Variants in RNF113B observed in about 807,000 individuals in gnomAD.
RNF113B encodes the protein zinc finger protein 183-like 1.
Under a neutral mutation model 22.2 loss-of-function variants are expected in RNF113B, and 12 were observed. The ratio of observed to expected loss-of-function variants is 0.54; its 90% CI spans 0.35 to 0.87. The LOEUF (loss-of-function observed/expected upper bound fraction) is 0.87, where lower values mean the gene tolerates loss of function less well. Among genes scored for constraint, RNF113B ranks in the 40% least tolerant of loss-of-function variants. The pLI is 0.01. For synonymous variants in RNF113B, 194 were observed against 184.6 expected (o/e 1.05, Z -0.41); for missense variants, 442 against 455.4 (o/e 0.97, Z 0.27).
rs775900760 is a variant in RNF113B, at chr13:98,177,149, C to T, written c.88G>A (p.Ala30Thr). 2.5e-6 allele frequency: 4 copies of T among 1,607,114 alleles called. No homozygotes were observed. In the South Asian group the frequency reaches 3.3e-5, roughly 13 times the overall value. ...GCCGGGCGCTTTCTGAGGCCTGCAG[C>T]CCCTTTCCGTCCAGGCTTTTTGAAG... ...FLFKKPGRKG[A>T]AGLRKRPACD... The change falls in exon 1 of 2, where the codon GCT (alanine) becomes ACT (threonine). Residue 30 changes from alanine to threonine, a missense_variant. Ala to Thr is a moderately conservative substitution (Grantham distance 58). Coordinates refer to ENST00000267291, the MANE Select transcript of RNF113B (RefSeq NM_178861.5).
chr13:98,176,967 G>A lies in RNF113B; in HGVS notation c.270C>T (p.Leu90=). 6.2e-7 allele frequency: 1 copy of A among 1,600,844 alleles called. No homozygotes were observed. ...RRGEEAAPES[L]DVVYRSTRSA... ...AGCGGGTGGACCTGTACACCACGTCGAGGCTCTCAGGCGCCGCCTCCTCGC... is the reference window on the plus strand; with the variant it reads ...AGCGGGTGGACCTGTACACCACGTCAAGGCTCTCAGGCGCCGCCTCCTCGC... Residue 90 remains leucine, a synonymous_variant, in exon 1 of 2, where the codon CTC becomes CTT. Coordinates refer to ENST00000267291, the MANE Select transcript of RNF113B (RefSeq NM_178861.5). This position sits in a 1 kb window ranked among gnomAD's most constrained non-coding sequence, Gnocchi z 6.2.
chr13:98,176,721 C>T lies in RNF113B; in HGVS notation c.516G>A (p.Ala172=), dbSNP rs1566701902. 5 of 1,614,038 alleles carry T rather than the reference C, an allele frequency of 3.1e-6. No individual in the cohort carries two copies. Among genetic ancestry groups the T allele is most frequent in the East Asian group, 4.5e-5 (2 of 44,878 alleles). The change falls in exon 1 of 2, where the codon GCG becomes GCA. Residue 172 remains alanine (A), a synonymous_variant. Transcript: ENST00000267291. The surrounding 1 kb of genome is among the most constrained non-coding windows in gnomAD (Gnocchi z 6.2). ...TSMGNSSSGM[A]RKGPIRAPGH... ...CTGGCGCACGTATGGGGCCCTTCCTCGCCATCCCCGAGGAGGAGTTGCCCA... is the reference window on the plus strand; with the variant it reads ...CTGGCGCACGTATGGGGCCCTTCCTTGCCATCCCCGAGGAGGAGTTGCCCA...
rs774412431 is a variant in RNF113B, at chr13:98,177,239, T to G, written c.-3A>C. 1 of 1,545,588 alleles carries G rather than the reference T, an allele frequency of 6.5e-7. No homozygotes were observed. Among genetic ancestry groups the G allele is most frequent in the Non-Finnish European group, 8.7e-7 (1 of 1,146,992 alleles). On this transcript the variant is annotated 5_prime_UTR_variant, in exon 1 of 2. Transcript: ENST00000267291. ...CCTGGAGAAGGTGGCGCTGCCATGT[T>G]TGAGTCTCAGGCTCCCAACGGCCGT...
In RNF113B at chr13:98,176,875, T is replaced by C; in HGVS notation, c.362A>G (p.Glu121Gly). The change falls in exon 1 of 2, where the codon GAG becomes GGG. Residue 121 changes from glutamate (E) to glycine (G), a missense_variant. Glu to Gly is a moderately conservative substitution (Grantham distance 98). Transcript: ENST00000267291. This position sits in a 1 kb window ranked among gnomAD's most constrained non-coding sequence, Gnocchi z 6.2. ...TADFEQDTEK[E>G]HHTPTILKCS... ...CTTGAGGATGGTCGGCGTATGGTGC[T>C]CCTTCTCGGTGTCCTGCTCGAAGTC... 1.2e-6 allele frequency: 2 copies of C among 1,607,552 alleles called. No homozygotes were observed.
chr13:98,176,193 A>G lies in RNF113B; in HGVS notation c.956-17T>C. The G allele has an allele frequency of 6.2e-7, 1 of 1,610,428 alleles. No homozygotes were observed. The highest frequency in any genetic ancestry group is 8.5e-7 in the Non-Finnish European group (1 of 1,176,948). ...TCTTTTTTCCTAAAAGAACAAAAAA[A>G]TTTATTTAAATGTGAGAATTATGGG... is the stretch of plus-strand genomic sequence containing the variant. On this transcript the variant is annotated splice_polypyrimidine_tract_variant and intron_variant, in intron 1 of 1. Coordinates refer to ENST00000267291, the MANE Select transcript of RNF113B (RefSeq NM_178861.5). The surrounding 1 kb of genome is among the most constrained non-coding windows in gnomAD (Gnocchi z 6.2).
rs746114758 is a variant in RNF113B, at chr13:98,176,652, G to C, written c.585C>G (p.Ile195Met). 1 of 1,614,120 alleles carries C rather than the reference G, an allele frequency of 6.2e-7. No homozygotes were observed. Among genetic ancestry groups the C allele is most frequent in the Non-Finnish European group, 8.5e-7 (1 of 1,180,048 alleles). Reference sequence around the variant, plus strand: ...AGCCAGTCTCCTTGTAGTCCTTGCAGATGTCAGGCTGGTAATCCCAGCGCA... The same window carrying C: ...AGCCAGTCTCCTTGTAGTCCTTGCACATGTCAGGCTGGTAATCCCAGCGCA... ...ATVRWDYQPD[I>M]CKDYKETGFC... The change falls in exon 1 of 2, where the codon ATC becomes ATG. Residue 195 changes from isoleucine (I) to methionine (M), a missense_variant. By Grantham distance (10) the Ile-to-Met change is conservative. Transcript: ENST00000267291. The surrounding 1 kb of genome is among the most constrained non-coding windows in gnomAD (Gnocchi z 6.2).
chr13:98,176,843 G>A lies in RNF113B; in HGVS notation c.394C>T (p.Gln132Ter). The A allele has an allele frequency of 6.2e-7, 1 of 1,611,744 alleles. No individual in the cohort carries two copies. The highest frequency in any genetic ancestry group is 8.5e-7 in the Non-Finnish European group (1 of 1,179,976). The change falls in exon 1 of 2, where the codon CAG becomes TAG. Residue 132 changes from glutamine (Q) to a stop codon, truncating the protein, a stop_gained. Coordinates refer to ENST00000267291, the MANE Select transcript of RNF113B (RefSeq NM_178861.5). LOFTEE classifies it high-confidence loss of function. The surrounding 1 kb of genome is among the most constrained non-coding windows in gnomAD (Gnocchi z 6.2). ...CCCCGCAGTGCCTCCTGGACCCGCT[G>A]GCTGCACTTGAGGATGGTCGGCGTA... ...HHTPTILKCS[Q>*]RVQEALRGRE...
At position 98,175,834 on chromosome 13, in the gene RNF113B, A is replaced by G. The variant is rs1469801965; in HGVS notation, c.*329T>C. Reference sequence around the variant, plus strand: ...CTTAGCAGTGTCGTCTTCAAGGTTCATTCTAGTTGTAGCATGTGATCCTTA... The same window carrying G: ...CTTAGCAGTGTCGTCTTCAAGGTTCGTTCTAGTTGTAGCATGTGATCCTTA... On this transcript the variant is annotated 3_prime_UTR_variant, in exon 2 of 2. Transcript: ENST00000267291. 3 of 294,606 alleles carry G rather than the reference A, an allele frequency of 1.0e-5. No homozygotes were observed. The highest frequency in any genetic ancestry group is 1.3e-5 in the Non-Finnish European group (2 of 159,808). The allele number at this position is 294,606 out of a possible 1,614,324, so 18.2% of individuals were successfully genotyped here.
Position 98,176,100 on chromosome 13 carries a change from C to A in RNF113B, c.*63G>T. 2 of 1,385,794 alleles carry A rather than the reference C, an allele frequency of 1.4e-6. No individual in the cohort carries two copies. Among genetic ancestry groups the A allele is most frequent in the South Asian group, 2.4e-5 (2 of 82,470 alleles). The allele number at this position is 1,385,794 out of a possible 1,614,324, so 85.8% of individuals were successfully genotyped here. ...AGGCATGGGATTGCAGGAAGACTGT[C>A]ATCTCTCTCATCTTACTCAACAGGC... On this transcript the variant is annotated 3_prime_UTR_variant, in exon 2 of 2. Transcript: ENST00000267291. This position sits in a 1 kb window ranked among gnomAD's most constrained non-coding sequence, Gnocchi z 6.2.
At position 98,177,099 on chromosome 13, in the gene RNF113B, G is replaced by C; in HGVS notation, c.138C>G (p.Ser46Arg). 6.2e-7 allele frequency: 1 copy of C among 1,600,242 alleles called. No homozygotes were observed. The highest frequency in any genetic ancestry group is 8.5e-7 in the Non-Finnish European group (1 of 1,179,534). Residue 46 changes from serine (S) to arginine (R), a missense_variant, in exon 1 of 2, where the codon AGC becomes AGG. Transcript: ENST00000267291. ...RPACDPEHGE[S>R]SSSGDEGDTV... ...TGTCGCCCTCGTCCCCGCTGCTGCT[G>C]CTCTCTCCGTGCTCGGGGTCGCAGG...
chr13:98,176,976 AG>A lies in RNF113B; in HGVS notation c.260del (p.Pro87LeufsTer68), dbSNP rs1878109318. 5.6e-6 allele frequency: 9 copies of A among 1,599,556 alleles called. No homozygotes were observed. Among genetic ancestry groups the A allele is most frequent in the Non-Finnish European group, 7.6e-6 (9 of 1,179,592 alleles). ...HGDRRGEEAA[P>X]ESLDVVYRST... ...ACCTGTACACCACGTCGAGGCTCTC[AG>A]GCGCCGCCTCCTCGCCCCTCCTGTC... is the stretch of plus-strand genomic sequence containing the variant. On this transcript the variant is annotated frameshift_variant, in exon 1 of 2. Transcript: ENST00000267291. LOFTEE classifies it high-confidence loss of function. The surrounding 1 kb of genome is among the most constrained non-coding windows in gnomAD (Gnocchi z 6.2).
Position 98,176,154 on chromosome 13 carries a change from G to C in RNF113B, c.*9C>G. ...TTCTCCCCAGTGTACATACAGACTT[G>C]AGTCTTTCTTATCTCTTTTTTCCTA... On this transcript the variant is annotated 3_prime_UTR_variant, in exon 2 of 2. Coordinates refer to ENST00000267291, the MANE Select transcript of RNF113B (RefSeq NM_178861.5). The surrounding 1 kb of genome is among the most constrained non-coding windows in gnomAD (Gnocchi z 6.2). The C allele has an allele frequency of 1.2e-6, 2 of 1,606,576 alleles. No individual in the cohort carries two copies.
rs757647757 is a variant in RNF113B, at chr13:98,176,714, C to G, written c.523G>C (p.Gly175Arg). The G allele has an allele frequency of 6.2e-7, 1 of 1,614,062 alleles. No individual in the cohort carries two copies. Among genetic ancestry groups the G allele is most frequent in the Non-Finnish European group, 8.5e-7 (1 of 1,180,048 alleles). The stretch of plus-strand genomic sequence containing the variant: ...AGATGCCCTGGCGCACGTATGGGGC[C>G]CTTCCTCGCCATCCCCGAGGAGGAG... Reference protein sequence around the residue: ...GNSSSGMARKGPIRAPGHLRA... With the variant: ...GNSSSGMARKRPIRAPGHLRA... Residue 175 changes from glycine to arginine, a missense_variant, in exon 1 of 2, where the codon GGC becomes CGC. Physicochemically the swap from Gly to Arg is moderately radical, Grantham distance 125. Transcript: ENST00000267291. This position sits in a 1 kb window ranked among gnomAD's most constrained non-coding sequence, Gnocchi z 6.2.
In RNF113B at chr13:98,176,520, C is replaced by T. The variant is rs1198166690; in HGVS notation, c.717G>A (p.Glu239=). Reference sequence around the variant, plus strand: ...CGCTTCCCACTTCATGGTTTTCGTCCTCGCAGATACAGTAGCGACCCTCTT... The same window carrying T: ...CGCTTCCCACTTCATGGTTTTCGTCTTCGCAGATACAGTAGCGACCCTCTT... ...ELEEGRYCIC[E]DENHEVGSEE... The change falls in exon 1 of 2, where the codon GAG becomes GAA. Residue 239 remains glutamate (E), a synonymous_variant. Transcript: ENST00000267291. The surrounding 1 kb of genome is among the most constrained non-coding windows in gnomAD (Gnocchi z 6.2). 1.2e-6 allele frequency: 2 copies of T among 1,614,064 alleles called. No homozygotes were observed. Among genetic ancestry groups the T allele is most frequent in the Non-Finnish European group, 1.7e-6 (2 of 1,180,042 alleles).
Position 98,177,253 on chromosome 13 carries a change from C to T in RNF113B, c.-17G>A. On this transcript the variant is annotated 5_prime_UTR_variant, in exon 1 of 2. Transcript: ENST00000267291. ...CGCTGCCATGTTTGAGTCTCAGGCTCCCAACGGCCGTGGCGTGCGTCACCC... is the reference window on the plus strand; with the variant it reads ...CGCTGCCATGTTTGAGTCTCAGGCTTCCAACGGCCGTGGCGTGCGTCACCC... The T allele has an allele frequency of 3.9e-6, 6 of 1,532,180 alleles. No homozygotes were observed. Among genetic ancestry groups the T allele is most frequent in the Non-Finnish European group, 5.3e-6 (6 of 1,140,262 alleles). The allele number at this position is 1,532,180 out of a possible 1,614,324, so 94.9% of individuals were successfully genotyped here. A position where few individuals can be genotyped will look rare whatever the true frequency, so the allele number is the denominator to read the frequency against.
rs147920690 is a variant in RNF113B at position 98,177,207 on chromosome 13, C to T, written c.30G>A (p.Thr10=). 2 of 1,570,234 alleles carry T rather than the reference C, an allele frequency of 1.3e-6. No individual in the cohort carries two copies. Among genetic ancestry groups the T allele is most frequent in the East Asian group, 2.3e-5 (1 of 44,316 alleles). The change falls in exon 1 of 2, where the codon ACG becomes ACA. Residue 10 remains threonine, a synonymous_variant. Coordinates refer to ENST00000267291, the MANE Select transcript of RNF113B (RefSeq NM_178861.5). MAAPPSPGR[T]ADQADQVCTF... ...TGCATACCTGGTCTGCTTGGTCGGC[C>T]GTCCTTCCTGGAGAAGGTGGCGCTG... is the stretch of plus-strand genomic sequence containing the variant.
chr13:98,176,098 G>C lies in RNF113B; in HGVS notation c.*65C>G. The C allele has an allele frequency of 7.2e-7, 1 of 1,380,954 alleles. No homozygotes were observed. The highest frequency in any genetic ancestry group is 1.2e-5 in the South Asian group (1 of 82,490). 85.5% of individuals were successfully genotyped at this position (1,380,954 alleles called of 1,614,324 possible). A position where few individuals can be genotyped will look rare whatever the true frequency, so the allele number is the denominator to read the frequency against. On this transcript the variant is annotated 3_prime_UTR_variant, in exon 2 of 2. Transcript: ENST00000267291. The surrounding 1 kb of genome is among the most constrained non-coding windows in gnomAD (Gnocchi z 6.2). Reference sequence around the variant, plus strand: ...TCAGGCATGGGATTGCAGGAAGACTGTCATCTCTCTCATCTTACTCAACAG... The same window carrying C: ...TCAGGCATGGGATTGCAGGAAGACTCTCATCTCTCTCATCTTACTCAACAG...
chr13:98,176,156 G>C lies in RNF113B; in HGVS notation c.*7C>G. ...CTCCCCAGTGTACATACAGACTTGA[G>C]TCTTTCTTATCTCTTTTTTCCTAAA... On this transcript the variant is annotated 3_prime_UTR_variant, in exon 2 of 2. Coordinates refer to ENST00000267291, the MANE Select transcript of RNF113B (RefSeq NM_178861.5). This position sits in a 1 kb window ranked among gnomAD's most constrained non-coding sequence, Gnocchi z 6.2. 1.2e-6 allele frequency: 2 copies of C among 1,607,238 alleles called. No homozygotes were observed. Among genetic ancestry groups the C allele is most frequent in the Non-Finnish European group, 1.7e-6 (2 of 1,174,178 alleles).
In RNF113B at chr13:98,177,268, G is replaced by T; in HGVS notation, c.-32C>A. 1 of 1,506,922 alleles carries T rather than the reference G, an allele frequency of 6.6e-7. No homozygotes were observed. The allele number at this position is 1,506,922 out of a possible 1,614,324, so 93.3% of individuals were successfully genotyped here. A position where few individuals can be genotyped will look rare whatever the true frequency, so the allele number is the denominator to read the frequency against. Reference sequence around the variant, plus strand: ...GTCTCAGGCTCCCAACGGCCGTGGCGTGCGTCACCCTTGCGTCGCCCTTGC... The same window carrying T: ...GTCTCAGGCTCCCAACGGCCGTGGCTTGCGTCACCCTTGCGTCGCCCTTGC... On this transcript the variant is annotated 5_prime_UTR_variant, in exon 1 of 2. Coordinates refer to ENST00000267291, the MANE Select transcript of RNF113B (RefSeq NM_178861.5).
Sources: gnomAD v4.1 joint callset for allele counts on GRCh38, gnomAD v4.1.1 for gene constraint, Gnocchi (gnomAD v3.1) non-coding constraint, MANE v1.5 for transcripts, NCBI Gene and HGNC (gene_info 2026-07-23, HGNC 2026-07-21) for gene names.